The following HERC1 variants were observed in gnomAD, a reference collection of about 807,000 sequenced individuals.
HERC1 encodes the protein HECT and RLD domain containing E3 ubiquitin protein ligase family member 1, also known as probable E3 ubiquitin-protein ligase HERC1.
Under a neutral mutation model 554.3 loss-of-function variants are expected in HERC1, and 160 were observed. The ratio of observed to expected loss-of-function variants is 0.29; its 90% CI spans 0.25 to 0.33. The LOEUF is 0.33. Ranked by LOEUF, HERC1 falls within the 10% of genes least tolerant of loss-of-function variation. The pLI, the probability that HERC1 is intolerant of heterozygous loss-of-function variation, is 1.00. For missense variants in HERC1, 4,919 were observed against 5,918.5 expected, an observed-to-expected ratio of 0.83 and a Z score of 5.54; for synonymous variants, 2,175 against 2,131.7, an observed-to-expected ratio of 1.02 and a Z score of -0.56.
Position 63,677,921 on chromosome 15 carries a change from C to A in HERC1, c.6994G>T (p.Ala2332Ser), listed in dbSNP as rs753300186. 1.2e-6 allele frequency: 2 copies of A among 1,614,052 alleles called. No homozygotes were observed. The highest frequency in any genetic ancestry group is 2.2e-5 in the South Asian group (2 of 91,092). Residue 2332 changes from alanine to serine, a missense_variant, in exon 37 of 78, where the codon GCC becomes TCC. Ala to Ser is a moderately conservative substitution (Grantham distance 99). Around this residue, in one of 11 missense-constraint regions of HERC1, gnomAD observed 1,963 missense variants for 2,228.6 expected, o/e 0.88. Transcript: ENST00000443617. This position sits in a 1 kb window ranked among gnomAD's most constrained non-coding sequence, Gnocchi z 4.4. ...RCVHKQTGRH[A>S]TLLGVVKEGS... ...TCTTTGACCACTCCCAGCAGCGTGG[C>A]ATGGCGCCCAGTTTGCTTGTGAACA...
At chr15:63,778,333 C>T (rs1428911950) in intron 1 of HERC1, among the ~76,000 whole-genome samples, 4 of 152,128 alleles carry the variant, frequency 2.6e-5, no homozygotes. Context: ...TCTGAAAACA[C>T]TGGAAAAGTA....
At chr15:63,824,888 T>TA (rs528035063) in intron 1 of HERC1, among the ~76,000 whole-genome samples, 1,899 of 144,132 alleles carry the variant, frequency 0.013, 30 homozygotes, top group African/African-American at 0.039. Context: ...TGTGGAATCT[T>TA]AAAAAAAAAA....
chr15:63,752,350 C>T (rs2075278613), intron 8 of HERC1, among the ~76,000 whole-genome samples: 1 of 152,116 alleles, frequency 6.6e-6, no homozygotes, highest in Admixed American at 6.5e-5. Flanking sequence ...TACACAGGGA[C>T]AAATATTGTC....
At chr15:63,653,817 G>A (rs925769560) in intron 51 of HERC1, among the ~76,000 whole-genome samples, 1 of 152,144 alleles carries the variant, frequency 6.6e-6, no homozygotes, top group South Asian at 2.1e-4. Flanking sequence ...AATGGATGCA[G>A]AACCCACGGA....
intron 26 of HERC1, 137 bp from the exon 27 acceptor site, chr15:63,696,476 TTATTA>T: frequency 1.6e-6 from 1 of 614,902 alleles, no homozygotes; most frequent in South Asian, 2.2e-5. Context: ...AACATTTATT[TTATTA>T]TTATTACTTT....
intron 1 of HERC1, among the ~76,000 whole-genome samples, chr15:63,806,552 A>C (rs532266449): frequency 2.6e-5 from 4 of 152,290 alleles, no homozygotes; most frequent in Admixed American, 2.6e-4. Context: ...ATGCTTTGCA[A>C]GGCTGGTACT....
intron 19 of HERC1, among the ~76,000 whole-genome samples, 157 bp from the exon 20 acceptor site, chr15:63,719,054 C>A (rs150678107): frequency 0.011 from 1,656 of 152,300 alleles, 94 homozygotes; most frequent in Admixed American, 0.1. Context: ...CTGTTCCAAG[C>A]GCTGTGGATA....
chr15:63,744,158 GTGTGTGTCTCTCTCTCTC>G (rs2074956621), intron 12 of HERC1, among the ~76,000 whole-genome samples: 1 of 42,352 alleles, frequency 2.4e-5, no homozygotes, highest in Admixed American at 2.6e-4. Context: ...GTGTGTGTGT[GTGTGTGTCTCTCTCTCTC>G]TCTCTCTCTC....
intron 73 of HERC1, 49 bp downstream of exon 73, chr15:63,623,676 G>A: frequency 6.4e-7 from 1 of 1,557,600 alleles, no homozygotes. Flanking sequence ...ACAGCAAAAT[G>A]GCCACTAGCA....
At position 63,710,747 on chromosome 15, in the gene HERC1, A is replaced by G. The variant is rs531419191; in HGVS notation, c.4584+2028T>C. Among the ~76,000 whole-genome samples the G allele has an allele frequency of 2.0e-5, 3 of 152,248 alleles. 1 individual carries two copies. Among genetic ancestry groups the G allele is most frequent in the Non-Finnish European group, 4.4e-5 (3 of 68,048 alleles). On this transcript the variant is annotated intron_variant, in intron 24 of 77. Transcript: ENST00000443617. ...TGGAAAAAGTAACATCAGAATGAAGACTTGAAGAAAGAGAGGGAGTTAGCC... is the reference window on the plus strand; with the variant it reads ...TGGAAAAAGTAACATCAGAATGAAGGCTTGAAGAAAGAGAGGGAGTTAGCC...
chr15:63,748,898 C>T (rs1015830592), intron 10 of HERC1, among the ~76,000 whole-genome samples: 35 of 150,606 alleles, frequency 2.3e-4, no homozygotes, highest in African/African-American at 6.9e-4. Flanking sequence ...TTAGCACTTT[C>T]GGAAAAAGCT....
chr15:63,637,355 G>T, intron 64 of HERC1, 150 bp downstream of exon 64: 1 of 657,474 alleles, frequency 1.5e-6, no homozygotes, highest in Non-Finnish European at 2.6e-6. Flanking sequence ...GGAAATTAAG[G>T]CTGCACACAT....
intron 50 of HERC1, among the ~76,000 whole-genome samples, chr15:63,655,425 A>G (rs1235427200): frequency 1.3e-5 from 2 of 152,212 alleles, no homozygotes; most frequent in South Asian, 2.1e-4. Context: ...GGCAGTACTG[A>G]TAAGTAGTCC....
rs200530157 is a variant in HERC1 at position 63,678,399 on chromosome 15, C to T, written c.6550-34G>A. On this transcript the variant is annotated intron_variant, in intron 36 of 77. Coordinates refer to ENST00000443617, the MANE Select transcript of HERC1 (RefSeq NM_003922.4). ...AAGTAAAGAGGGTGGAAAACACATG[C>T]TATTAGTAGTTCTTCTTAGTCACTA... is the stretch of plus-strand genomic sequence containing the variant. The T allele has an allele frequency of 3.1e-4, 469 of 1,522,402 alleles. 2 individuals are homozygous for T. The African/African-American group carries it at 4.7e-3, about 15-fold the overall frequency. The allele number at this position is 1,522,402 out of a possible 1,614,324, so 94.3% of individuals were successfully genotyped here. A position where few individuals can be genotyped will look rare whatever the true frequency, so the allele number is the denominator to read the frequency against.
chr15:63,774,866 C>T lies in HERC1; in HGVS notation c.758G>A (p.Gly253Asp). Residue 253 changes from glycine (G) to aspartate (D), a missense_variant, in exon 2 of 78, where the codon GGT becomes GAT. By Grantham distance (94) the Gly-to-Asp change is moderately conservative (BLOSUM62 -1). Around this residue, in one of 11 missense-constraint regions of HERC1, gnomAD observed 744 missense variants for 1,090.0 expected, o/e 0.68. Coordinates refer to ENST00000443617, the MANE Select transcript of HERC1 (RefSeq NM_003922.4). The part of the protein sequence containing the change: ...GRRLASELLL[G>D]LAAQRGSLRY... ...CAATGAGCCTCGTTGAGCTGCCAAA[C>T]CAAGCAGCAACTCAGAAGCTAATCT... is the stretch of plus-strand genomic sequence containing the variant. 1 of 1,613,986 alleles carries T rather than the reference C, an allele frequency of 6.2e-7. No homozygotes were observed. The highest frequency in any genetic ancestry group is 1.1e-5 in the South Asian group (1 of 91,082).
At chr15:63,707,545 C>T (rs563843272) in intron 24 of HERC1, among the ~76,000 whole-genome samples, 1 of 152,220 alleles carries the variant, frequency 6.6e-6, no homozygotes, top group South Asian at 2.1e-4. Context: ...ATGACTTAAG[C>T]TTGTGCATAG....
intron 21 of HERC1, among the ~76,000 whole-genome samples, chr15:63,717,869 C>CAAAAAAAAAAAAAAAAAAAAAAA: frequency 2.6e-5 from 4 of 152,032 alleles, no homozygotes; most frequent in Non-Finnish European, 4.4e-5. Context: ...GAGACTGTCT[C>CAAAAAAAAAAAAAAAAAAAAAAA]AAAAATAAAA....
chr15:63,687,724 A>C (rs975226738), intron 33 of HERC1, among the ~76,000 whole-genome samples: 3 of 152,152 alleles, frequency 2.0e-5, no homozygotes, highest in African/African-American at 7.2e-5. Flanking sequence ...ACAAGGATTA[A>C]GTGGTATGTT....
At chr15:63,624,391 C>T in intron 71 of HERC1, 64 bp from the exon 72 acceptor site, 2 of 1,429,184 alleles carry the variant, frequency 1.4e-6, no homozygotes, top group South Asian at 1.4e-5. Context: ...TAACAATTTT[C>T]ACTTATAGAA....
Sources: gnomAD v4.1 joint callset for allele counts (sites outside exome capture counted in the v4.1 genomes callset) on GRCh38, gnomAD v4.1.1 for gene constraint, gnomAD v4.1.1 regional missense constraint, Gnocchi (gnomAD v3.1) non-coding constraint, MANE v1.5 for transcripts, NCBI Gene and HGNC (gene_info 2026-07-23, HGNC 2026-07-21) for gene names.